PCDHGB4: variants seen among roughly 807,000 people sequenced by gnomAD.
PCDHGB4 encodes protocadherin gamma subfamily B, 4, also known as protocadherin gamma-B4.
PCDHGB4 carries 38 observed loss-of-function variants against 60.5 expected under a neutral mutation model. The observed-to-expected ratio is 0.63, with a 90% confidence interval of 0.48 to 0.82. PCDHGB4 has a LOEUF of 0.82. Among genes scored for constraint, PCDHGB4 ranks in the 40% least tolerant of loss-of-function variants. The probability of loss-of-function intolerance (pLI) is 0.00; values close to 1 mark genes in which losing one functional copy is unlikely to be tolerated. For synonymous variants in PCDHGB4, 456 were observed against 509.7 expected (o/e 0.89, Z 1.42); for missense variants, 1,109 against 1,209.6 (o/e 0.92, Z 1.23).
chr5:141,488,885 T>C (rs1401230063), intron 1 of PCDHGB4, among the ~76,000 whole-genome samples: 1 of 152,194 alleles, frequency 6.6e-6, no homozygotes, highest in Admixed American at 6.5e-5. Flanking sequence ...GAAGCTTCTG[T>C]GACACAGATT....
chr5:141,487,351 T>A lies in PCDHGB4; in HGVS notation c.2398-7456T>A. 6.2e-7 allele frequency: 1 copy of A among 1,614,210 alleles called. No individual in the cohort carries two copies. The highest frequency in any genetic ancestry group is 8.5e-7 in the Non-Finnish European group (1 of 1,180,038). On this transcript the variant is annotated intron_variant, in intron 1 of 3. Transcript: ENST00000519479. The surrounding 1 kb of genome is among the most constrained non-coding windows in gnomAD (Gnocchi z 5.0). ...GGGCAGCCTGTGGAGTCACATGCTT[T>A]CCTGCTGGCACCTGTGCCTGTCTCA...
chr5:141,448,966 A>G (rs981772425), intron 1 of PCDHGB4, among the ~76,000 whole-genome samples: 5 of 152,118 alleles, frequency 3.3e-5, no homozygotes, highest in Non-Finnish European at 7.4e-5. Context: ...CAAACAAACA[A>G]AAAAGAACTT....
chr5:141,405,431 T>TGTTTTTGA (rs1428153443), intron 1 of PCDHGB4: 4 of 1,490,528 alleles, frequency 2.7e-6, no homozygotes, highest in Non-Finnish European at 2.7e-6. Flanking sequence ...TGTTTTGTTT[T>TGTTTTTGA]GTTTTTGAGA....
intron 1 of PCDHGB4, among the ~76,000 whole-genome samples, chr5:141,444,862 A>G (rs781224880): frequency 1.8e-4 from 28 of 152,198 alleles, no homozygotes; most frequent in Non-Finnish European, 2.9e-4. Flanking sequence ...AAGTCTTACT[A>G]CAGGACAAAG....
chr5:141,506,216 T>A (rs2237080), intron 3 of PCDHGB4, among the ~76,000 whole-genome samples: 78,167 of 151,604 alleles, frequency 0.52, 20,820 homozygotes, highest in African/African-American at 0.63. Flanking sequence ...TTTGGGAAGC[T>A]GAGGCAGGAG....
Position 141,414,697 on chromosome 5 carries a change from T to A in PCDHGB4, c.2397+24416T>A, listed in dbSNP as rs748722995. The A allele has an allele frequency of 9.3e-6, 15 of 1,614,036 alleles. No homozygotes were observed. Among genetic ancestry groups the A allele is most frequent in the Non-Finnish European group, 1.3e-5 (15 of 1,179,930 alleles). ...CATCCAGGGGGTACCTCTGTCCTCA[T>A]ACATATCCATCAACTCAGACACTGG... is the stretch of plus-strand genomic sequence containing the variant. On this transcript the variant is annotated intron_variant, in intron 1 of 3. Transcript: ENST00000519479.
At chr5:141,393,147 G>A in intron 1 of PCDHGB4, 2 of 1,613,298 alleles carry the variant, frequency 1.2e-6, no homozygotes, top group Non-Finnish European at 1.7e-6. Flanking sequence ...CCTGGTTGAG[G>A]ATAAAGGAAA....
chr5:141,451,976 A>T (rs2098729884), intron 1 of PCDHGB4, among the ~76,000 whole-genome samples: 1 of 152,164 alleles, frequency 6.6e-6, no homozygotes, highest in Non-Finnish European at 1.5e-5. Flanking sequence ...TTTTTGCTGT[A>T]GTTTGTTCAT....
intron 1 of PCDHGB4, chr5:141,423,640 T>C: frequency 6.3e-7 from 1 of 1,597,848 alleles, no homozygotes; most frequent in Non-Finnish European, 8.5e-7. Flanking sequence ...TTTAGGCAAA[T>C]GTGACCCGAC....
intron 1 of PCDHGB4, 100 bp from the exon 2 acceptor site, chr5:141,494,707 G>A: frequency 2.5e-6 from 4 of 1,599,238 alleles, no homozygotes; most frequent in Non-Finnish European, 3.4e-6. Context: ...TCTTCTCTGT[G>A]CCCACTCCCC....
intron 1 of PCDHGB4, chr5:141,421,325 G>A: frequency 6.2e-7 from 1 of 1,613,906 alleles, no homozygotes; most frequent in Non-Finnish European, 8.5e-7. Context: ...AGGCAGATCC[G>A]ATATTCGGTG....
chr5:141,453,930 T>G (rs944390811), intron 1 of PCDHGB4, among the ~76,000 whole-genome samples: 10 of 152,242 alleles, frequency 6.6e-5, no homozygotes, highest in Non-Finnish European at 1.0e-4. Flanking sequence ...AGTCACTGTG[T>G]GCCTATAATT....
At chr5:141,393,754 T>G in intron 1 of PCDHGB4, 1 of 1,613,892 alleles carries the variant, frequency 6.2e-7, no homozygotes, top group Non-Finnish European at 8.5e-7. Flanking sequence ...GAATGTTCAT[T>G]TTATGAAATG....
At chr5:141,394,611 C>A (rs774009952) in intron 1 of PCDHGB4, 1 of 1,613,420 alleles carries the variant, frequency 6.2e-7, no homozygotes, top group Non-Finnish European at 8.5e-7. Flanking sequence ...AGACTCGGGC[C>A]AGAACGCCTG....
At chr5:141,470,485 GAAT>G (rs2099231720) in intron 1 of PCDHGB4, among the ~76,000 whole-genome samples, 1 of 152,074 alleles carries the variant, frequency 6.6e-6, no homozygotes, top group Admixed American at 6.6e-5. Context: ...AACCCTCTGG[GAAT>G]AATATTAGGT....
chr5:141,405,595 A>C (rs1255161296), intron 1 of PCDHGB4: 1 of 578,138 alleles, frequency 1.7e-6, no homozygotes, highest in Non-Finnish European at 3.1e-6. Flanking sequence ...CAGGCCTCCC[A>C]AGTAGAATAA....
intron 1 of PCDHGB4, chr5:141,410,478 C>G (rs767257836): frequency 6.2e-7 from 1 of 1,613,992 alleles, no homozygotes; most frequent in Non-Finnish European, 8.5e-7. Context: ...ATTGCACATA[C>G]GGGTACAAAA....
chr5:141,395,136 T>A, intron 1 of PCDHGB4: 1 of 1,614,202 alleles, frequency 6.2e-7, no homozygotes, highest in Non-Finnish European at 8.5e-7. Context: ...CCAGCCCAAC[T>A]ACGCAGACAT....
At chr5:141,473,369 G>T (rs888984972) in intron 1 of PCDHGB4, among the ~76,000 whole-genome samples, 1 of 152,200 alleles carries the variant, frequency 6.6e-6, no homozygotes, top group Non-Finnish European at 1.5e-5. Flanking sequence ...CACCAAAATA[G>T]CATGGTCCCT....
Sources: allele counts gnomAD v4.1 joint callset (sites outside exome capture counted in the v4.1 genomes callset), GRCh38; gene constraint gnomAD v4.1.1; non-coding constraint Gnocchi (gnomAD v3.1); transcripts MANE v1.5; gene names NCBI Gene and HGNC (gene_info 2026-07-23, HGNC 2026-07-21).